Variants in NET1 observed in about 807,000 individuals in gnomAD.
The protein encoded by NET1 is neuroepithelial cell transforming 1.
Under a neutral mutation model 61.1 loss-of-function variants are expected in NET1, and 42 were observed. That is an observed-to-expected ratio of 0.69 (90% CI 0.54 to 0.89). NET1 has a LOEUF of 0.89. NET1 is among the 40% of genes least tolerant of loss of function. The probability of loss-of-function intolerance (pLI) is 0.00; values close to 1 mark genes in which losing one functional copy is unlikely to be tolerated. For missense variants in NET1, 654 were observed against 747.3 expected (o/e 0.88, Z 1.46); for synonymous variants, 254 against 281.8 (o/e 0.90, Z 0.99).
chr10:5,454,837 G>A lies in NET1; in HGVS notation c.1027-111G>A. ...CTGGCAGAATTAACTGATTTCTAGAGTCCCTTCAAGCTTTAAAGTTCTTCC... is the reference window on the plus strand; with the variant it reads ...CTGGCAGAATTAACTGATTTCTAGAATCCCTTCAAGCTTTAAAGTTCTTCC... On this transcript the variant is annotated intron_variant, in intron 9 of 11. Transcript: ENST00000355029. The surrounding 1 kb of genome is among the most constrained non-coding windows in gnomAD (Gnocchi z 8.1). 1.0e-6 allele frequency: 1 copy of A among 1,003,404 alleles called. No individual in the cohort carries two copies. Among genetic ancestry groups the A allele is most frequent in the Non-Finnish European group, 1.5e-6 (1 of 674,436 alleles). The allele number at this position is 1,003,404 out of a possible 1,614,324, so 62.2% of individuals were successfully genotyped here. A position where few individuals can be genotyped will look rare whatever the true frequency, so the allele number is the denominator to read the frequency against.
At position 5,457,032 on chromosome 10, in the gene NET1, T is replaced by C; in HGVS notation, c.*38T>C. On this transcript the variant is annotated 3_prime_UTR_variant, in exon 12 of 12. Coordinates refer to ENST00000355029, the MANE Select transcript of NET1 (RefSeq NM_001047160.3). The surrounding 1 kb of genome is among the most constrained non-coding windows in gnomAD (Gnocchi z 5.4). ...GTGTTAACTGATGGGAGAGACTGTT[T>C]GTTTATAAATGTGTACAGTTTTGTT... The C allele has an allele frequency of 6.6e-7, 1 of 1,505,744 alleles. No individual in the cohort carries two copies. The highest frequency in any genetic ancestry group is 8.9e-7 in the Non-Finnish European group (1 of 1,127,674). The allele number at this position is 1,505,744 out of a possible 1,614,324, so 93.3% of individuals were successfully genotyped here. A position where few individuals can be genotyped will look rare whatever the true frequency, so the allele number is the denominator to read the frequency against.
rs1236334915 is a variant in NET1, at chr10:5,447,008, T to A, written c.256-4822T>A. The A allele has an allele frequency of 1.9e-6, 1 of 540,138 alleles. No individual in the cohort carries two copies. Among genetic ancestry groups the A allele is most frequent in the African/African-American group, 1.9e-5 (1 of 52,034 alleles). 33.5% of individuals were successfully genotyped at this position (540,138 alleles called of 1,614,324 possible). A position where few individuals can be genotyped will look rare whatever the true frequency, so the allele number is the denominator to read the frequency against. ...TCTTGATTTATGTGCAAGCTTGAAA[T>A]GTGTTTAGGGACTGTGGTCTAAGTT... On this transcript the variant is annotated intron_variant, in intron 3 of 11. Coordinates refer to ENST00000355029, the MANE Select transcript of NET1 (RefSeq NM_001047160.3). This position sits in a 1 kb window ranked among gnomAD's most constrained non-coding sequence, Gnocchi z 4.1.
At position 5,417,658 on chromosome 10, in the gene NET1, C is replaced by T. The variant is rs913124963; in HGVS notation, c.128+4838C>T. Among the ~76,000 whole-genome samples, 1 of 152,114 alleles carries T rather than the reference C, an allele frequency of 6.6e-6. No homozygotes were observed. Among genetic ancestry groups the T allele is most frequent in the Non-Finnish European group, 1.5e-5 (1 of 68,018 alleles). On this transcript the variant is annotated intron_variant, in intron 1 of 11. Transcript: ENST00000355029. This position sits in a 1 kb window ranked among gnomAD's most constrained non-coding sequence, Gnocchi z 5.5. ...CTTCTTTTTCCAATCTCTGGATGCC[C>T]TTTACTTTTTTCTCTTTCCTAATTG...
rs1380631661 is a variant in NET1 at position 5,455,081 on chromosome 10, T to C, written c.1160T>C (p.Leu387Pro). 1.2e-6 allele frequency: 2 copies of C among 1,613,886 alleles called. No individual in the cohort carries two copies. Among genetic ancestry groups the C allele is most frequent in the Non-Finnish European group, 1.7e-6 (2 of 1,180,020 alleles). Residue 387 changes from leucine to proline, a missense_variant, in exon 10 of 12, where the codon CTG becomes CCG. Leu to Pro is a moderately conservative substitution (Grantham distance 98, BLOSUM62 -3). Coordinates refer to ENST00000355029, the MANE Select transcript of NET1 (RefSeq NM_001047160.3). The surrounding 1 kb of genome is among the most constrained non-coding windows in gnomAD (Gnocchi z 6.5). Reference sequence around the variant, plus strand: ...CCCAGAATCGAAGCGAGCAAAGTGCTGCTGTGCCATGGGGAGCTGCGGAGC... The same window carrying C: ...CCCAGAATCGAAGCGAGCAAAGTGCCGCTGTGCCATGGGGAGCTGCGGAGC... ...RDPRIEASKV[L>P]LCHGELRSKS...
At position 5,427,717 on chromosome 10, in the gene NET1, T is replaced by A. The variant is rs1832279784; in HGVS notation, c.195+996T>A. Among the ~76,000 whole-genome samples the A allele has an allele frequency of 6.6e-6, 1 of 152,224 alleles. No individual in the cohort carries two copies. Among genetic ancestry groups the A allele is most frequent in the Non-Finnish European group, 1.5e-5 (1 of 68,026 alleles). On this transcript the variant is annotated intron_variant, in intron 2 of 11. Coordinates refer to ENST00000355029, the MANE Select transcript of NET1 (RefSeq NM_001047160.3). This position sits in a 1 kb window ranked among gnomAD's most constrained non-coding sequence, Gnocchi z 4.1. ...CATGTCTTAGATCATTTTCCTAATG[T>A]CTTTTAGCTCAATTCAAAACAGTGT... is the stretch of plus-strand genomic sequence containing the variant.
chr10:5,419,055 G>A (rs1458120192), intron 1 of NET1, among the ~76,000 whole-genome samples: 1 of 152,060 alleles, frequency 6.6e-6, no homozygotes, highest in East Asian at 1.9e-4. Flanking sequence ...TATTGAGATT[G>A]TGCTGTTTTT....
Position 5,420,669 on chromosome 10 carries a change from C to T in NET1, c.129-5986C>T, listed in dbSNP as rs1268460373. Among the ~76,000 whole-genome samples the T allele has an allele frequency of 1.3e-5, 2 of 152,140 alleles. No individual in the cohort carries two copies. Among genetic ancestry groups the T allele is most frequent in the African/African-American group, 4.8e-5 (2 of 41,412 alleles). On this transcript the variant is annotated intron_variant, in intron 1 of 11. Transcript: ENST00000355029. This position sits in a 1 kb window ranked among gnomAD's most constrained non-coding sequence, Gnocchi z 5.3. ...GGAGTGCAGTGGCGCGATCTCGGCT[C>T]ACTGTAGCCTCCGACTCCCTGGTTC...
At chr10:5,428,648 T>TA (rs1465980544) in intron 2 of NET1, among the ~76,000 whole-genome samples, 1 of 152,106 alleles carries the variant, frequency 6.6e-6, no homozygotes, top group African/African-American at 2.4e-5. Flanking sequence ...AGTGATGACT[T>TA]AGTCAGGGGA....
At chr10:5,448,726 T>G (rs1349523474) in intron 3 of NET1, among the ~76,000 whole-genome samples, 1 of 151,218 alleles carries the variant, frequency 6.6e-6, no homozygotes, top group East Asian at 1.9e-4. Flanking sequence ...ATCTGTTCTT[T>G]AAGCTTCTTG....
Position 5,440,603 on chromosome 10 carries a change from T to C in NET1, c.256-11227T>C, listed in dbSNP as rs201427869. 2.0e-5 allele frequency among the ~76,000 whole-genome samples: 3 copies of C among 152,312 alleles called. No homozygotes were observed. The East Asian group carries it at 5.8e-4, about 29-fold the overall frequency. ...CCTGGTGTGCAATACTGCTTCTGACTTACCATCTTGGCCCAGGTGTAAGGG... is the reference window on the plus strand; with the variant it reads ...CCTGGTGTGCAATACTGCTTCTGACCTACCATCTTGGCCCAGGTGTAAGGG... On this transcript the variant is annotated intron_variant, in intron 3 of 11. Coordinates refer to ENST00000355029, the MANE Select transcript of NET1 (RefSeq NM_001047160.3). The surrounding 1 kb of genome is among the most constrained non-coding windows in gnomAD (Gnocchi z 4.1).
At position 5,427,546 on chromosome 10, in the gene NET1, A is replaced by G. The variant is rs548798869; in HGVS notation, c.195+825A>G. Among the ~76,000 whole-genome samples the G allele has an allele frequency of 6.6e-6, 1 of 152,308 alleles. No homozygotes were observed. Among genetic ancestry groups the G allele is most frequent in the East Asian group, 1.9e-4 (1 of 5,182 alleles). On this transcript the variant is annotated intron_variant, in intron 2 of 11. Coordinates refer to ENST00000355029, the MANE Select transcript of NET1 (RefSeq NM_001047160.3). The surrounding 1 kb of genome is among the most constrained non-coding windows in gnomAD (Gnocchi z 4.1). ...TATACACAAAGAGGCTCACAGATAA[A>G]TACACAAGCAGGATTTATGGTTAGT... is the stretch of plus-strand genomic sequence containing the variant.
rs767299959 is a variant in NET1, at chr10:5,428,038, C to CCTTTTTTTTTTTTTTTTTTTTTTT, written c.196-1132_196-1131insCTTTTTTTTTTTTTTTTTTTTTTT. Among the ~76,000 whole-genome samples the CCTTTTTTTTTTTTTTTTTTTTTTT allele has an allele frequency of 1.8e-4, 20 of 113,904 alleles. 10 individuals are homozygous for CCTTTTTTTTTTTTTTTTTTTTTTT. Among genetic ancestry groups the CCTTTTTTTTTTTTTTTTTTTTTTT allele is most frequent in the Non-Finnish European group, 1.8e-4 (10 of 56,156 alleles). The allele number at this position is 113,904 out of a possible 152,430, so 74.7% of individuals were successfully genotyped here. A position where few individuals can be genotyped will look rare whatever the true frequency, so the allele number is the denominator to read the frequency against. ...CACTTCTATCTGGACTTTGCCGTTC[C>CCTTTTTTTTTTTTTTTTTTTTTTT]TTTTTTTTTTTTTTTTTTTTTTTTT... On this transcript the variant is annotated intron_variant, in intron 2 of 11. Transcript: ENST00000355029.
chr10:5,451,998 A>G lies in NET1; in HGVS notation c.363+61A>G. 2.3e-6 allele frequency: 3 copies of G among 1,305,490 alleles called. No individual in the cohort carries two copies. The highest frequency in any genetic ancestry group is 2.4e-5 in the South Asian group (2 of 82,088). The allele number at this position is 1,305,490 out of a possible 1,614,324, so 80.9% of individuals were successfully genotyped here. On this transcript the variant is annotated intron_variant, in intron 4 of 11. Coordinates refer to ENST00000355029, the MANE Select transcript of NET1 (RefSeq NM_001047160.3). This position sits in a 1 kb window ranked among gnomAD's most constrained non-coding sequence, Gnocchi z 6.1. ...GACTTTATAGAAGCCTGGAATTTGT[A>G]GTTGTCTTTGAGCTGTACAAACAAG...
At position 5,442,530 on chromosome 10, in the gene NET1, G is replaced by A. The variant is rs1006374427; in HGVS notation, c.256-9300G>A. Reference sequence around the variant, plus strand: ...AACTCAGTTACGTTTATAAATTCTAGATGTTCTATAGAAAGAAAAGACGCT... The same window carrying A: ...AACTCAGTTACGTTTATAAATTCTAAATGTTCTATAGAAAGAAAAGACGCT... On this transcript the variant is annotated intron_variant, in intron 3 of 11. Coordinates refer to ENST00000355029, the MANE Select transcript of NET1 (RefSeq NM_001047160.3). Among the ~76,000 whole-genome samples, 4 of 152,208 alleles carry A rather than the reference G, an allele frequency of 2.6e-5. No homozygotes were observed. The East Asian group carries it at 7.7e-4, about 29-fold the overall frequency.
In NET1 at chr10:5,413,629, A is replaced by G. The variant is rs115112909; in HGVS notation, c.128+809A>G. ...ATGTCAGATGTTATTGATAGGTCAA[A>G]TAAAATGAGGATTAAGTAAAATAAG... On this transcript the variant is annotated intron_variant, in intron 1 of 11. Coordinates refer to ENST00000355029, the MANE Select transcript of NET1 (RefSeq NM_001047160.3). 6.6e-3 allele frequency among the ~76,000 whole-genome samples: 1,006 copies of G among 152,344 alleles called. 9 individuals carry two copies. Among genetic ancestry groups the G allele is most frequent in the African/African-American group, 0.022 (907 of 41,572 alleles).
Position 5,447,843 on chromosome 10 carries a change from G to GCAGT in NET1, c.256-3984_256-3981dup, listed in dbSNP as rs1832641388. Among the ~76,000 whole-genome samples the GCAGT allele has an allele frequency of 6.6e-6, 1 of 152,206 alleles. No individual in the cohort carries two copies. Among genetic ancestry groups the GCAGT allele is most frequent in the African/African-American group, 2.4e-5 (1 of 41,444 alleles). Reference sequence around the variant, plus strand: ...TGTGTAAGTATTTCCTTTGAGTAGAGCAGTCATCCACAGTCACTAGTGTGA... The same window carrying GCAGT: ...TGTGTAAGTATTTCCTTTGAGTAGAGCAGTCAGTCATCCACAGTCACTAGTGTGA... On this transcript the variant is annotated intron_variant, in intron 3 of 11. Coordinates refer to ENST00000355029, the MANE Select transcript of NET1 (RefSeq NM_001047160.3). The surrounding 1 kb of genome is among the most constrained non-coding windows in gnomAD (Gnocchi z 4.1).
chr10:5,428,229 A>G (rs1445008794), intron 2 of NET1, among the ~76,000 whole-genome samples: 1 of 152,120 alleles, frequency 6.6e-6, no homozygotes. Context: ...GAGATGTGGG[A>G]AAATGAAGTG....
Position 5,422,765 on chromosome 10 carries a change from A to G in NET1, c.129-3890A>G, listed in dbSNP as rs373720620. ...AGTCTACATGATTGTCAGAAGTGGA[A>G]GAAGAGACAACTCCTTAATAGCAAA... On this transcript the variant is annotated intron_variant, in intron 1 of 11. Transcript: ENST00000355029. This position sits in a 1 kb window ranked among gnomAD's most constrained non-coding sequence, Gnocchi z 4.1. Among the ~76,000 whole-genome samples, 17 of 152,350 alleles carry G rather than the reference A, an allele frequency of 1.1e-4. No individual in the cohort carries two copies. The East Asian group carries it at 3.3e-3, about 29-fold the overall frequency.
chr10:5,418,287 C>A (rs1488361955), intron 1 of NET1, among the ~76,000 whole-genome samples: 1 of 151,764 alleles, frequency 6.6e-6, no homozygotes. Context: ...AGACTTTTCT[C>A]TGTGGATAGT....
Sources: allele counts gnomAD v4.1 joint callset (sites outside exome capture counted in the v4.1 genomes callset), GRCh38; gene constraint gnomAD v4.1.1; non-coding constraint Gnocchi (gnomAD v3.1); transcripts MANE v1.5; gene names NCBI Gene and HGNC (gene_info 2026-07-23, HGNC 2026-07-21).